Variants in BMPR1B observed in about 807,000 individuals in gnomAD.
The protein encoded by BMPR1B is bone morphogenetic protein receptor type 1B.
In BMPR1B, 12 loss-of-function variants were observed where a neutral mutation model predicts 59.1. The ratio of observed to expected loss-of-function variants is 0.20; its 90% CI spans 0.13 to 0.33. BMPR1B has a LOEUF of 0.33. BMPR1B is among the 10% of genes least tolerant of loss of function. BMPR1B has a pLI of 1.00. For missense variants in BMPR1B, 550 were observed against 610.9 expected (o/e 0.90, Z 1.05); for synonymous variants, 237 against 207.3 (o/e 1.14, Z -1.23).
At chr4:95,033,608 C>T (rs978402653) in intron 3 of BMPR1B, among the ~76,000 whole-genome samples, 4 of 152,170 alleles carry the variant, frequency 2.6e-5, no homozygotes, top group East Asian at 1.9e-4. Flanking sequence ...AGAGCAAAAG[C>T]GTTTTAGTGT....
At chr4:94,816,665 T>TA (rs1426679882) in intron 1 of BMPR1B, among the ~76,000 whole-genome samples, 10 of 152,064 alleles carry the variant, frequency 6.6e-5, no homozygotes, top group African/African-American at 2.2e-4. Flanking sequence ...ACTTCTTAAT[T>TA]AAAAAAATCT....
chr4:94,840,779 C>T (rs1034156058), intron 1 of BMPR1B, among the ~76,000 whole-genome samples: 1 of 148,982 alleles, frequency 6.7e-6, no homozygotes. Context: ...AGTCGTTCTC[C>T]GTCCAGCTTT....
intron 2 of BMPR1B, among the ~76,000 whole-genome samples, chr4:94,922,044 A>G (rs1280349529): frequency 1.3e-5 from 2 of 152,082 alleles, no homozygotes; most frequent in African/African-American, 4.8e-5. Context: ...CAGCAACACA[A>G]TTACTGCAGC....
intron 6 of BMPR1B, among the ~76,000 whole-genome samples, chr4:95,120,996 C>A (rs995955175): frequency 1.2e-4 from 19 of 152,048 alleles, no homozygotes; most frequent in African/African-American, 4.6e-4. Flanking sequence ...TTTGTAGAGA[C>A]GGGGTTTTGC....
At chr4:94,912,748 C>T (rs1255629037) in intron 2 of BMPR1B, among the ~76,000 whole-genome samples, 6 of 152,098 alleles carry the variant, frequency 3.9e-5, no homozygotes, top group African/African-American at 1.4e-4. Flanking sequence ...GAGAAAGCCT[C>T]ACAGGTGATT....
At chr4:95,122,587 AT>A (rs1361754352) in intron 6 of BMPR1B, among the ~76,000 whole-genome samples, 9 of 152,146 alleles carry the variant, frequency 5.9e-5, no homozygotes, top group Non-Finnish European at 1.3e-4. Context: ...ATAAATCAGT[AT>A]ATATTATATT....
chr4:94,858,730 G>T (rs1225038035), intron 1 of BMPR1B, among the ~76,000 whole-genome samples: 1 of 152,140 alleles, frequency 6.6e-6, no homozygotes, highest in African/African-American at 2.4e-5. Flanking sequence ...GGGCAGGTAG[G>T]CTAGTTGCTG....
intron 4 of BMPR1B, among the ~76,000 whole-genome samples, chr4:95,106,461 G>A (rs751419121): frequency 1.5e-4 from 23 of 152,062 alleles, no homozygotes; most frequent in Non-Finnish European, 2.9e-4. Flanking sequence ...TGGTGTAGGA[G>A]TGAGTGAGAT....
At chr4:95,098,132 T>C (rs1560651397) in intron 3 of BMPR1B, among the ~76,000 whole-genome samples, 2 of 152,168 alleles carry the variant, frequency 1.3e-5, no homozygotes, top group Non-Finnish European at 2.9e-5. Flanking sequence ...TAATCAGATA[T>C]CTGATATTTG....
intron 1 of BMPR1B, among the ~76,000 whole-genome samples, chr4:94,765,373 C>A (rs1473747695): frequency 6.6e-6 from 1 of 152,100 alleles, no homozygotes; most frequent in Non-Finnish European, 1.5e-5. Context: ...TCAATGTATG[C>A]ATTCTGAAAC....
chr4:94,789,579 C>G (rs1457923853), intron 1 of BMPR1B, among the ~76,000 whole-genome samples: 2 of 152,084 alleles, frequency 1.3e-5, no homozygotes, highest in Non-Finnish European at 2.9e-5. Context: ...TGTCTAACAT[C>G]ATTTCCATAG....
intron 3 of BMPR1B, among the ~76,000 whole-genome samples, chr4:95,029,020 G>A (rs6844029): frequency 0.95 from 144,968 of 151,946 alleles, 69,189 homozygotes; most frequent in Middle Eastern, 0.99. Context: ...TCTCTTATCT[G>A]TGTCTCGCCA....
chr4:95,046,387 G>C (rs1388189019), intron 3 of BMPR1B, among the ~76,000 whole-genome samples: 1 of 152,122 alleles, frequency 6.6e-6, no homozygotes, highest in Non-Finnish European at 1.5e-5. Context: ...AGATTAGTGA[G>C]AGTTGTCAGG....
intron 2 of BMPR1B, among the ~76,000 whole-genome samples, chr4:94,878,664 T>C (rs2148976331): frequency 6.6e-6 from 1 of 152,156 alleles, no homozygotes; most frequent in East Asian, 1.9e-4. Context: ...TCTTGTCTGG[T>C]ATATAGGGCC....
At chr4:94,997,773 CAATT>C (rs1722160483) in intron 3 of BMPR1B, among the ~76,000 whole-genome samples, 1 of 152,128 alleles carries the variant, frequency 6.6e-6, no homozygotes, top group Non-Finnish European at 1.5e-5. Context: ...GTTCATCAAT[CAATT>C]TTTATTTGCT....
intron 2 of BMPR1B, among the ~76,000 whole-genome samples, chr4:94,937,799 C>T (rs1280548209): frequency 1.3e-5 from 2 of 151,456 alleles, no homozygotes; most frequent in South Asian, 4.1e-4. Flanking sequence ...TTTCAGTTAT[C>T]GGATAGCAAT....
intron 2 of BMPR1B, among the ~76,000 whole-genome samples, chr4:94,994,292 G>T (rs1334766685): frequency 2.0e-5 from 3 of 152,240 alleles, no homozygotes; most frequent in African/African-American, 7.2e-5. Flanking sequence ...CTAAGCTCCA[G>T]CAAGAAAGAT....
chr4:94,794,259 C>G (rs1013502557), intron 1 of BMPR1B, among the ~76,000 whole-genome samples: 1 of 147,264 alleles, frequency 6.8e-6, no homozygotes, highest in African/African-American at 2.5e-5. Flanking sequence ...TTCCCAGCAC[C>G]ATTTATTAAA....
At chr4:94,819,302 T>C (rs1016946967) in intron 1 of BMPR1B, among the ~76,000 whole-genome samples, 8 of 152,216 alleles carry the variant, frequency 5.3e-5, no homozygotes, top group African/African-American at 1.7e-4. Flanking sequence ...TATTAACTCT[T>C]ACCGCTACAA....
Sources: allele counts gnomAD v4.1 joint callset (sites outside exome capture counted in the v4.1 genomes callset), GRCh38; gene constraint gnomAD v4.1.1; transcripts MANE v1.5; gene names NCBI Gene and HGNC (gene_info 2026-07-23, HGNC 2026-07-21).